Variants in CHRM3 observed in about 807,000 individuals in gnomAD.
The protein encoded by CHRM3 is muscarinic acetylcholine receptor M3.
CHRM3 carries 11 observed loss-of-function variants against 41.8 expected under a neutral mutation model. That is an observed-to-expected ratio of 0.26 (90% CI 0.17 to 0.44). The LOEUF (loss-of-function observed/expected upper bound fraction) is 0.44. CHRM3 is among the 20% of genes least tolerant of loss of function. CHRM3 has a pLI of 1.00. For missense variants in CHRM3, 571 were observed against 745.4 expected (o/e 0.77, Z 2.72); for synonymous variants, 297 against 301.4 (o/e 0.99, Z 0.15).
chr1:239,569,353 A>G (rs1661630964), intron 3 of CHRM3, among the ~76,000 whole-genome samples: 1 of 152,170 alleles, frequency 6.6e-6, no homozygotes, highest in Admixed American at 6.6e-5. Context: ...TTTGACTTTG[A>G]GTGACTTACT....
rs970507667 is a variant in CHRM3, at chr1:239,398,647, T to C, written c.-521+11420T>C. ...ATTGTGTGTTTCCTGTAGAATTTAA[T>C]ACAAGTGAAAATTGAACCTCCTTTG... On this transcript the variant is annotated intron_variant, in intron 1 of 6. Coordinates refer to ENST00000676153, the MANE Select transcript of CHRM3 (RefSeq NM_001375978.1). 4.6e-5 allele frequency among the ~76,000 whole-genome samples: 7 copies of C among 152,212 alleles called. No individual in the cohort carries two copies. In the East Asian group the frequency reaches 9.6e-4, roughly 21 times the overall value.
At chr1:239,836,429 A>T (rs1673323483) in intron 6 of CHRM3, among the ~76,000 whole-genome samples, 1 of 152,112 alleles carries the variant, frequency 6.6e-6, no homozygotes, top group African/African-American at 2.4e-5. Context: ...TCAATTGATA[A>T]AAATATAAGA....
intron 3 of CHRM3, among the ~76,000 whole-genome samples, chr1:239,559,311 C>G (rs1660655528): frequency 1.3e-5 from 2 of 152,266 alleles, no homozygotes; most frequent in African/African-American, 4.8e-5. Flanking sequence ...TTTGTCCAAT[C>G]TGAGAATCTC....
chr1:239,742,657 A>G (rs913894653), intron 5 of CHRM3, among the ~76,000 whole-genome samples: 2 of 152,190 alleles, frequency 1.3e-5, no homozygotes, highest in Non-Finnish European at 2.9e-5. Flanking sequence ...TAACAGGAAG[A>G]GCAGCAAACA....
At position 239,440,197 on chromosome 1, in the gene CHRM3, CAA is replaced by C. The variant is rs1281168939; in HGVS notation, c.-520-52496_-520-52495del. Among the ~76,000 whole-genome samples, 603 of 62,302 alleles carry C rather than the reference CAA, an allele frequency of 9.7e-3. 2 individuals are homozygous for C. The highest frequency in any genetic ancestry group is 0.03 in the African/African-American group (566 of 19,002). The allele number at this position is 62,302 out of a possible 152,430, so 40.9% of individuals were successfully genotyped here. On this transcript the variant is annotated intron_variant, in intron 1 of 6. Coordinates refer to ENST00000676153, the MANE Select transcript of CHRM3 (RefSeq NM_001375978.1). ...TGGGTGACAGAGTGAGACTCTGTCT[CAA>C]AAAAAAAAAAAAAAAGCCTCTCTAT... is the stretch of plus-strand genomic sequence containing the variant.
intron 5 of CHRM3, among the ~76,000 whole-genome samples, chr1:239,802,707 C>A (rs976076688): frequency 2.0e-5 from 3 of 152,180 alleles, no homozygotes; most frequent in Non-Finnish European, 4.4e-5. Context: ...AGGTGATCCT[C>A]CCACCTCAGC....
chr1:239,413,781 G>A (rs1017747891), intron 1 of CHRM3, among the ~76,000 whole-genome samples: 1 of 152,162 alleles, frequency 6.6e-6, no homozygotes, highest in Non-Finnish European at 1.5e-5. Flanking sequence ...ATAGTTCTGC[G>A]GTGTGGAGAA....
At chr1:239,508,635 A>G in intron 2 of CHRM3, among the ~76,000 whole-genome samples, 1 of 152,218 alleles carries the variant, frequency 6.6e-6, no homozygotes, top group East Asian at 1.9e-4. Flanking sequence ...TTATAATTCC[A>G]GTGAGTACGT....
At chr1:239,866,163 A>G (rs1344147024) in intron 6 of CHRM3, among the ~76,000 whole-genome samples, 4 of 152,102 alleles carry the variant, frequency 2.6e-5, no homozygotes, top group East Asian at 1.9e-4. Context: ...GGATCACAAG[A>G]TCAGGAGATC....
chr1:239,808,459 C>A (rs61034388), intron 5 of CHRM3, among the ~76,000 whole-genome samples: 3,433 of 152,150 alleles, frequency 0.023, 154 homozygotes, highest in African/African-American at 0.078. Context: ...CTTCATCCTG[C>A]CTTAATTACC....
At chr1:239,574,808 TTCCTCCTCTTCC>T (rs1055470675) in intron 3 of CHRM3, among the ~76,000 whole-genome samples, 4 of 152,072 alleles carry the variant, frequency 2.6e-5, no homozygotes, top group African/African-American at 9.7e-5. Context: ...TCTTTCTTTC[TTCCTCCTCTTCC>T]TCCTCCTCTT....
intron 3 of CHRM3, among the ~76,000 whole-genome samples, chr1:239,570,822 G>A (rs1661761314): frequency 6.6e-6 from 1 of 152,132 alleles, no homozygotes; most frequent in African/African-American, 2.4e-5. Context: ...TTTACTAGAT[G>A]ATCTGAATGA....
At chr1:239,810,487 T>C (rs1019743165) in intron 5 of CHRM3, among the ~76,000 whole-genome samples, 5 of 152,054 alleles carry the variant, frequency 3.3e-5, no homozygotes, top group African/African-American at 9.7e-5. Flanking sequence ...CTCAAGATCA[T>C]TGAGGGGAAC....
At chr1:239,500,784 T>C (rs1303462564) in intron 2 of CHRM3, among the ~76,000 whole-genome samples, 1 of 151,966 alleles carries the variant, frequency 6.6e-6, no homozygotes, top group African/African-American at 2.4e-5. Flanking sequence ...CACATTTCAG[T>C]ACTAACCTTG....
intron 5 of CHRM3, among the ~76,000 whole-genome samples, chr1:239,780,799 G>C (rs570536592): frequency 7.4e-6 from 1 of 134,738 alleles, no homozygotes; most frequent in South Asian, 2.5e-4. Flanking sequence ...AGGGTGTAAG[G>C]TCTGTGTCTA....
chr1:239,878,774 G>A (rs1361887796), intron 6 of CHRM3, among the ~76,000 whole-genome samples: 1 of 152,052 alleles, frequency 6.6e-6, no homozygotes, highest in Non-Finnish European at 1.5e-5. Flanking sequence ...TAAGGGAGGT[G>A]AGAATCAGAT....
At chr1:239,713,945 C>T (rs1029181542) in intron 5 of CHRM3, among the ~76,000 whole-genome samples, 1 of 152,068 alleles carries the variant, frequency 6.6e-6, no homozygotes, top group Admixed American at 6.6e-5. Context: ...TTCTTTAAAC[C>T]AGACATGATG....
At position 239,874,303 on chromosome 1, in the gene CHRM3, A is replaced by ATCTATATACACAG. The variant is rs1558199158; in HGVS notation, c.-19-33129_-19-33128insCTATATACACAGT. ...ATACACAGTATATATATATATATAT[A>ATCTATATACACAG]TATATATATATATATATATATATAC... On this transcript the variant is annotated intron_variant, in intron 6 of 6. Coordinates refer to ENST00000676153, the MANE Select transcript of CHRM3 (RefSeq NM_001375978.1). Among the ~76,000 whole-genome samples, 80 of 123,948 alleles carry ATCTATATACACAG rather than the reference A, an allele frequency of 6.5e-4. No homozygotes were observed. In the Middle Eastern group the frequency reaches 0.015, roughly 23 times the overall value. 81.3% of individuals were successfully genotyped at this position (123,948 alleles called of 152,430 possible).
intron 1 of CHRM3, among the ~76,000 whole-genome samples, chr1:239,423,947 C>T (rs1456373173): frequency 2.0e-5 from 3 of 149,016 alleles, no homozygotes; most frequent in African/African-American, 5.0e-5. Flanking sequence ...CCCAGCTACT[C>T]GGGAGGCTGA....
Sources: gnomAD v4.1 joint callset for allele counts (sites outside exome capture counted in the v4.1 genomes callset) on GRCh38, gnomAD v4.1.1 for gene constraint, MANE v1.5 for transcripts, NCBI Gene and HGNC (gene_info 2026-07-23, HGNC 2026-07-21) for gene names.